HS3ST4: variants seen among roughly 807,000 people sequenced by gnomAD.
The protein encoded by HS3ST4 is heparan sulfate-glucosamine 3-sulfotransferase 4, also known as heparan sulfate glucosamine 3-O-sulfotransferase 4.
HS3ST4 carries 17 observed loss-of-function variants against 29.2 expected under a neutral mutation model. The observed-to-expected ratio is 0.58, with a 90% CI of 0.40 to 0.87. HS3ST4 has a LOEUF of 0.87. Among genes scored for constraint, HS3ST4 ranks in the 40% least tolerant of loss-of-function variants. HS3ST4 has a pLI of 0.00. For missense variants in HS3ST4, 627 were observed against 634.5 expected, an observed-to-expected ratio of 0.99 and a Z score of 0.13; for synonymous variants, 314 against 285.7, an observed-to-expected ratio of 1.10 and a Z score of -1.00.
Position 25,955,578 on chromosome 16 carries a change from A to T in HS3ST4, c.735-180034A>T, listed in dbSNP as rs548577799. On this transcript the variant is annotated intron_variant, in intron 1 of 1. Transcript: ENST00000331351. The stretch of plus-strand genomic sequence containing the variant: ...CAAATTATAGGGATCTGTGGGCATC[A>T]TGCTAACCCCCATGCTCTGAGAACT... Among the ~76,000 whole-genome samples the T allele has an allele frequency of 1.1e-4, 16 of 152,268 alleles. No individual in the cohort carries two copies. In the South Asian group the frequency reaches 1.9e-3, roughly 18 times the overall value.
intron 1 of HS3ST4, among the ~76,000 whole-genome samples, chr16:25,800,092 G>A (rs202237790): frequency 3.4e-4 from 46 of 134,554 alleles, no homozygotes; most frequent in African/African-American, 1.3e-3. Context: ...CTTCCTTCCT[G>A]CCTTCCTTCC....
chr16:26,096,738 C>G (rs1210325585), intron 1 of HS3ST4, among the ~76,000 whole-genome samples: 1 of 152,172 alleles, frequency 6.6e-6, no homozygotes, highest in East Asian at 1.9e-4. Flanking sequence ...GTTGGAAGTT[C>G]TGGCCAGGGC....
Position 26,098,144 on chromosome 16 carries a change from A to C in HS3ST4, c.735-37468A>C, listed in dbSNP as rs1158144740. 5.3e-5 allele frequency among the ~76,000 whole-genome samples: 8 copies of C among 152,224 alleles called. No individual in the cohort carries two copies. The East Asian group carries it at 1.4e-3, about 26-fold the overall frequency. ...CTTTTACACTGTTGGTGGGAGTGTA[A>C]ATTAGTTCAACCATTGTGAAAGACA... On this transcript the variant is annotated intron_variant, in intron 1 of 1. Transcript: ENST00000331351.
chr16:25,700,879 AT>A (rs76092487), intron 1 of HS3ST4, among the ~76,000 whole-genome samples: 37,130 of 151,372 alleles, frequency 0.25, 5,057 homozygotes, highest in East Asian at 0.47. Context: ...TGCCTTAGAC[AT>A]TTTTTTTTCA....
At chr16:25,905,116 G>A (rs1292313165) in intron 1 of HS3ST4, among the ~76,000 whole-genome samples, 1 of 152,064 alleles carries the variant, frequency 6.6e-6, no homozygotes, top group East Asian at 1.9e-4. Context: ...AGACCACCCT[G>A]CCTCATAGAG....
At chr16:26,079,111 C>T (rs1898697934) in intron 1 of HS3ST4, among the ~76,000 whole-genome samples, 1 of 152,166 alleles carries the variant, frequency 6.6e-6, no homozygotes, top group Non-Finnish European at 1.5e-5. Flanking sequence ...ACTGTGGGTG[C>T]CACTGTCAAC....
rs996380198 is a variant in HS3ST4, at chr16:25,958,951, G to A, written c.735-176661G>A. 1.6e-4 allele frequency among the ~76,000 whole-genome samples: 25 copies of A among 152,162 alleles called. 1 individual carries two copies. Among genetic ancestry groups the A allele is most frequent in the East Asian group, 1.9e-4 (1 of 5,190 alleles). On this transcript the variant is annotated intron_variant, in intron 1 of 1. Transcript: ENST00000331351. ...AATGTCACGTTCACCACATTGTATC[G>A]TAACCATAATAAGTTCATTGCACAA...
intron 1 of HS3ST4, among the ~76,000 whole-genome samples, chr16:25,869,350 G>A (rs1245437164): frequency 6.6e-6 from 1 of 152,126 alleles, no homozygotes; most frequent in East Asian, 1.9e-4. Flanking sequence ...GTAGGGAGTG[G>A]GAATGGTCAA....
At chr16:25,771,772 T>C (rs910864639) in intron 1 of HS3ST4, among the ~76,000 whole-genome samples, 1 of 152,196 alleles carries the variant, frequency 6.6e-6, no homozygotes, top group Non-Finnish European at 1.5e-5. Flanking sequence ...ACAGAGTAGG[T>C]GCTCAAGGGC....
chr16:25,808,856 C>T, intron 1 of HS3ST4, among the ~76,000 whole-genome samples: 1 of 152,074 alleles, frequency 6.6e-6, no homozygotes, highest in Non-Finnish European at 1.5e-5. Flanking sequence ...ATTTTATTTT[C>T]TTTGGAGCAG....
intron 1 of HS3ST4, among the ~76,000 whole-genome samples, chr16:26,047,970 A>C (rs1225418777): frequency 1.3e-5 from 2 of 152,208 alleles, no homozygotes; most frequent in Non-Finnish European, 2.9e-5. Flanking sequence ...CTCCTGCTCC[A>C]ACCAGATGTG....
chr16:25,901,604 G>T (rs919482006), intron 1 of HS3ST4, among the ~76,000 whole-genome samples: 1 of 152,162 alleles, frequency 6.6e-6, no homozygotes, highest in African/African-American at 2.4e-5. Flanking sequence ...AACCCAGGAG[G>T]CAGAGGTTGC....
At chr16:26,092,971 A>G (rs1898875541) in intron 1 of HS3ST4, among the ~76,000 whole-genome samples, 1 of 152,196 alleles carries the variant, frequency 6.6e-6, no homozygotes, top group Non-Finnish European at 1.5e-5. Flanking sequence ...CTTCGCCCAC[A>G]GAGCCTTGCT....
chr16:26,016,230 C>A, intron 1 of HS3ST4, among the ~76,000 whole-genome samples: 1 of 152,154 alleles, frequency 6.6e-6, no homozygotes, highest in Middle Eastern at 3.2e-3. Flanking sequence ...GATAAAGTAT[C>A]CAATAATCTG....
chr16:25,976,180 G>A (rs1049907770), intron 1 of HS3ST4, among the ~76,000 whole-genome samples: 4 of 152,126 alleles, frequency 2.6e-5, no homozygotes, highest in South Asian at 4.1e-4. Flanking sequence ...ACGTGATCCC[G>A]TATATGACTT....
At position 25,971,127 on chromosome 16, in the gene HS3ST4, A is replaced by G. The variant is rs572768544; in HGVS notation, c.735-164485A>G. Among the ~76,000 whole-genome samples the G allele has an allele frequency of 5.6e-4, 85 of 152,292 alleles. No individual in the cohort carries two copies. In the Middle Eastern group the frequency reaches 0.01, roughly 18 times the overall value. On this transcript the variant is annotated intron_variant, in intron 1 of 1. Coordinates refer to ENST00000331351, the MANE Select transcript of HS3ST4 (RefSeq NM_006040.3). ...CGGTCTCCCAGAGTGCTGGGATTAC[A>G]GGTGTGAGCCATTGCGTTCAGCCAC...
At chr16:26,120,659 A>C (rs1899263599) in intron 1 of HS3ST4, among the ~76,000 whole-genome samples, 2 of 152,216 alleles carry the variant, frequency 1.3e-5, no homozygotes, top group African/African-American at 2.4e-5. Context: ...GAATGTTTCC[A>C]TGTTGACTGA....
In HS3ST4 at chr16:25,748,270, C is replaced by G. The variant is rs575990354; in HGVS notation, c.734+55119C>G. Among the ~76,000 whole-genome samples, 4 of 152,200 alleles carry G rather than the reference C, an allele frequency of 2.6e-5. No individual in the cohort carries two copies. The East Asian group carries it at 7.7e-4, about 29-fold the overall frequency. On this transcript the variant is annotated intron_variant, in intron 1 of 1. Coordinates refer to ENST00000331351, the MANE Select transcript of HS3ST4 (RefSeq NM_006040.3). ...CTCCCCTCCCCCCCTTTAAAATGAACCCATACTGTGCCCCATTAGCTGAAA... is the reference window on the plus strand; with the variant it reads ...CTCCCCTCCCCCCCTTTAAAATGAAGCCATACTGTGCCCCATTAGCTGAAA...
chr16:26,070,214 A>G (rs1246216527), intron 1 of HS3ST4, among the ~76,000 whole-genome samples: 1 of 152,122 alleles, frequency 6.6e-6, no homozygotes. Context: ...CCTCTCCAGC[A>G]CCTGTTGTTT....
Sources: allele counts gnomAD v4.1 joint callset (sites outside exome capture counted in the v4.1 genomes callset), GRCh38; gene constraint gnomAD v4.1.1; transcripts MANE v1.5; gene names NCBI Gene and HGNC (gene_info 2026-07-23, HGNC 2026-07-21).